Variants in GAS6 observed in about 807,000 individuals in gnomAD.
GAS6 encodes the protein growth arrest-specific protein 6.
GAS6 carries 41 observed loss-of-function variants against 75.8 expected under a neutral mutation model. The ratio of observed to expected loss-of-function variants is 0.54; its 90% CI spans 0.42 to 0.70. The LOEUF (loss-of-function observed/expected upper bound fraction) is 0.70. GAS6 is among the 30% of genes least tolerant of loss of function. GAS6 has a pLI of 0.00. For missense variants in GAS6, 854 were observed against 940.2 expected, an observed-to-expected ratio of 0.91 and a Z score of 1.20; for synonymous variants, 432 against 412.6, an observed-to-expected ratio of 1.05 and a Z score of -0.57.
chr13:113,843,041 T>A (rs2051802366), intron 4 of GAS6: 1 of 392,162 alleles, frequency 2.5e-6, no homozygotes, highest in South Asian at 1.4e-4. Flanking sequence ...GAACCACACC[T>A]GAGGGGTGGA....
At chr13:113,861,497 C>G (rs1440006575) in intron 2 of GAS6, among the ~76,000 whole-genome samples, 5 of 152,218 alleles carry the variant, frequency 3.3e-5, no homozygotes, top group African/African-American at 4.8e-5. Context: ...AGCAACATTT[C>G]AAAGACAAGG....
In GAS6 at chr13:113,822,170, A is replaced by G; in HGVS notation, c.1670T>C (p.Val557Ala). The change falls in exon 14 of 15, where the codon GTG becomes GCG. Residue 557 changes from valine (V) to alanine (A), a missense_variant. Val to Ala is a moderately conservative substitution (Grantham distance 64). Transcript: ENST00000327773. ...KLKKQLVVLA[V>A]EHTALALMEI... The stretch of plus-strand genomic sequence containing the variant: ...CATTAGGGCCAAGGCCGTATGCTCC[A>G]CGGCCAGGACCACCAGCTGCAGGAG... 1.9e-6 allele frequency: 3 copies of G among 1,561,372 alleles called. No individual in the cohort carries two copies. The highest frequency in any genetic ancestry group is 2.6e-6 in the Non-Finnish European group (3 of 1,148,730).
At chr13:113,829,907 A>G (rs1566357915) in intron 10 of GAS6, among the ~76,000 whole-genome samples, 1 of 151,384 alleles carries the variant, frequency 6.6e-6, no homozygotes, top group Non-Finnish European at 1.5e-5. Context: ...ACCTGAGCCA[A>G]GAAGGTCCCA....
intron 5 of GAS6, among the ~76,000 whole-genome samples, chr13:113,838,740 CG>C (rs1339048801): frequency 8.9e-5 from 13 of 146,194 alleles, no homozygotes; most frequent in African/African-American, 3.1e-4. Context: ...GGGAAGGAGC[CG>C]GGGGGGTGCA....
chr13:113,821,476 C>A lies in GAS6; in HGVS notation c.1883-458G>T, dbSNP rs1594185399. Reference sequence around the variant, plus strand: ...GCTCCCACGTGCCTTTCCGCTGACCCTCCCAGCTCATGGCAAGGACATCCC... The same window carrying A: ...GCTCCCACGTGCCTTTCCGCTGACCATCCCAGCTCATGGCAAGGACATCCC... On this transcript the variant is annotated intron_variant, in intron 14 of 14. Coordinates refer to ENST00000327773, the MANE Select transcript of GAS6 (RefSeq NM_000820.4). The A allele has an allele frequency of 1.7e-5, 4 of 231,702 alleles. No homozygotes were observed. In the East Asian group the frequency reaches 3.7e-4, roughly 22 times the overall value. 14.4% of individuals were successfully genotyped at this position (231,702 alleles called of 1,614,324 possible).
intron 6 of GAS6, chr13:113,835,851 G>A: frequency 7.3e-7 from 1 of 1,363,028 alleles, no homozygotes. Flanking sequence ...GGCTGGGAAG[G>A]CTGACTTCAG....
At chr13:113,843,070 C>A (rs1217367264) in intron 4 of GAS6, 3 of 385,698 alleles carry the variant, frequency 7.8e-6, no homozygotes, top group African/African-American at 4.3e-5. Flanking sequence ...CGGTGCCCAG[C>A]AAATATCTGT....
chr13:113,834,344 G>A (rs1046081327), intron 8 of GAS6, among the ~76,000 whole-genome samples: 6 of 152,230 alleles, frequency 3.9e-5, no homozygotes, highest in African/African-American at 1.4e-4. Context: ...ACTGTGAGCT[G>A]GGAGTTGCCA....
At chr13:113,831,749 C>T (rs1434759463) in intron 10 of GAS6, among the ~76,000 whole-genome samples, 1 of 151,464 alleles carries the variant, frequency 6.6e-6, no homozygotes, top group Non-Finnish European at 1.5e-5. Context: ...GGCAGGGGTC[C>T]CCGTCCCCCG....
At chr13:113,862,330 C>A (rs779683540) in intron 2 of GAS6, among the ~76,000 whole-genome samples, 5 of 152,200 alleles carry the variant, frequency 3.3e-5, no homozygotes, top group East Asian at 1.9e-4. Flanking sequence ...TCCCTGTGCA[C>A]GCAGAATGTT....
chr13:113,863,476 G>A lies in GAS6; in HGVS notation c.255+99C>T, dbSNP rs537426174. Reference sequence around the variant, plus strand: ...TGGGACCCTGAGGCCAGGCCTCGCCGCGCGGAGCTGGGGGGCGGCAGCAGC... The same window carrying A: ...TGGGACCCTGAGGCCAGGCCTCGCCACGCGGAGCTGGGGGGCGGCAGCAGC... On this transcript the variant is annotated intron_variant, in intron 2 of 14. Coordinates refer to ENST00000327773, the MANE Select transcript of GAS6 (RefSeq NM_000820.4). The surrounding 1 kb of genome is among the most constrained non-coding windows in gnomAD (Gnocchi z 9.4). 7.3e-6 allele frequency: 9 copies of A among 1,226,414 alleles called. No individual in the cohort carries two copies. The African/African-American group carries it at 9.6e-5, about 13-fold the overall frequency. 76.0% of individuals were successfully genotyped at this position (1,226,414 alleles called of 1,614,324 possible).
chr13:113,860,122 AAGAGAGAGACTGGGAC>A (rs1306319390), intron 2 of GAS6, among the ~76,000 whole-genome samples: 1 of 152,200 alleles, frequency 6.6e-6, no homozygotes, highest in Non-Finnish European at 1.5e-5. Flanking sequence ...CAGTGGGGAG[AAGAGAGAGACTGGGAC>A]AGAGAGAGAA....
rs770035055 is a variant in GAS6, at chr13:113,821,982, G to A, written c.1858C>T (p.Leu620Phe). Residue 620 changes from leucine to phenylalanine, a missense_variant, in exon 14 of 15, where the codon CTC becomes TTC. Physicochemically the swap from Leu to Phe is conservative, Grantham distance 22 (BLOSUM62 0). Coordinates refer to ENST00000327773, the MANE Select transcript of GAS6 (RefSeq NM_000820.4). ...CCTGGCAGGCCGCCAGCAAAGGTGA[G>A]CACGGGGCTCCGCAGGTGCCTCTCG... ...VLERHLRSPV[L>F]TFAGGLPDVP... The A allele has an allele frequency of 1.9e-6, 3 of 1,543,514 alleles. No homozygotes were observed. The South Asian group carries it at 3.6e-5, about 18-fold the overall frequency.
intron 14 of GAS6, 115 bp from the exon 15 acceptor site, chr13:113,821,133 G>T: frequency 1.8e-6 from 2 of 1,121,188 alleles, no homozygotes; most frequent in Non-Finnish European, 1.3e-6. Flanking sequence ...GAAAGGGCAG[G>T]GTTTCCCTTT....
At position 113,821,012 on chromosome 13, in the gene GAS6, G is replaced by A. The variant is rs147032954; in HGVS notation, c.1889C>T (p.Pro630Leu). 67 of 1,612,244 alleles carry A rather than the reference G, an allele frequency of 4.2e-5. 1 individual carries two copies. In the South Asian group the frequency reaches 5.2e-4, roughly 12 times the overall value. ...CGCGGTGACTGGCGCTGAAGTCACC[G>A]GCACATCTGGGCCGCAGGGAGAGAA... is the stretch of plus-strand genomic sequence containing the variant. ...LTFAGGLPDV[P>L]VTSAPVTAFY... Residue 630 changes from proline to leucine, a missense_variant, in exon 15 of 15, where the codon CCG becomes CTG. By Grantham distance (98) the Pro-to-Leu change is moderately conservative. Coordinates refer to ENST00000327773, the MANE Select transcript of GAS6 (RefSeq NM_000820.4).
intron 3 of GAS6, chr13:113,847,667 A>G (rs2051844803): frequency 3.5e-6 from 1 of 285,534 alleles, no homozygotes; most frequent in Non-Finnish European, 6.5e-6. Context: ...CCACATGAAC[A>G]TGGACCCCTT....
intron 2 of GAS6, among the ~76,000 whole-genome samples, chr13:113,854,491 G>T (rs2051898997): frequency 6.6e-6 from 1 of 152,232 alleles, no homozygotes; most frequent in African/African-American, 2.4e-5. Flanking sequence ...GTAATGCTGA[G>T]ACTCACTCTG....
At chr13:113,858,428 T>G (rs2051932355) in intron 2 of GAS6, among the ~76,000 whole-genome samples, 1 of 152,226 alleles carries the variant, frequency 6.6e-6, no homozygotes, top group Non-Finnish European at 1.5e-5. Context: ...TATGTGAATG[T>G]GTGCATGTGT....
chr13:113,835,780 T>G, intron 6 of GAS6, 145 bp from the exon 7 acceptor site: 1 of 1,456,180 alleles, frequency 6.9e-7, no homozygotes. Context: ...CCCATTTCCC[T>G]GCCCTCCTCC....
Sources: gnomAD v4.1 joint callset for allele counts (sites outside exome capture counted in the v4.1 genomes callset) on GRCh38, gnomAD v4.1.1 for gene constraint, Gnocchi (gnomAD v3.1) non-coding constraint, MANE v1.5 for transcripts, NCBI Gene and HGNC (gene_info 2026-07-23, HGNC 2026-07-21) for gene names.